Variants in CLUAP1 observed in about 807,000 individuals in gnomAD.
The protein encoded by CLUAP1 is clusterin-associated protein 1.
In CLUAP1, 50 loss-of-function variants were observed where a neutral mutation model predicts 55.0. The ratio of observed to expected loss-of-function variants is 0.91; its 90% CI spans 0.72 to 1.15. The LOEUF (loss-of-function observed/expected upper bound fraction) is 1.15, where lower values mean the gene tolerates loss of function less well. Ranked by LOEUF, CLUAP1 falls within the 50% of genes most tolerant of loss-of-function variation. CLUAP1 has a pLI of 0.00. For synonymous variants in CLUAP1, 195 were observed against 175.4 expected, an observed-to-expected ratio of 1.11 and a Z score of -0.88; for missense variants, 530 against 507.6, an observed-to-expected ratio of 1.04 and a Z score of -0.42.
At chr16:3,500,834 A>G (rs1312314590), upstream of CLUAP1, 3 of 574,052 alleles carry the variant, frequency 5.2e-6, no homozygotes, top group African/African-American at 1.9e-5. Flanking sequence ...TGCAGCCCTC[A>G]TAGACGCCGG....
chr16:3,517,760 T>C (rs1596393091), intron 6 of CLUAP1, among the ~76,000 whole-genome samples: 2 of 152,218 alleles, frequency 1.3e-5, no homozygotes, highest in Non-Finnish European at 2.9e-5. Flanking sequence ...CAGTCACTTC[T>C]GAGTATTCCT....
chr16:3,501,424 G>A (rs1366963428), intron 1 of CLUAP1, among the ~76,000 whole-genome samples: 6 of 152,240 alleles, frequency 3.9e-5, no homozygotes, highest in Non-Finnish European at 8.8e-5. Context: ...CTTCGCTACC[G>A]TATTGGAAAA....
rs34360832 is a variant in CLUAP1, at chr16:3,537,998, C to CAAAAA, written c.*1745_*1749dup. The CAAAAA allele has an allele frequency of 8.2e-5, 3 of 36,690 alleles. No individual in the cohort carries two copies. Among genetic ancestry groups the CAAAAA allele is most frequent in the African/African-American group, 2.1e-4 (2 of 9,710 alleles). 2.3% of individuals were successfully genotyped at this position (36,690 alleles called of 1,614,324 possible). ...TGGGCAGCAGAGTGAGACTCCATCTCAAAAAAAAAAAAAAAAAAAAAAGCA... is the reference window on the plus strand; with the variant it reads ...TGGGCAGCAGAGTGAGACTCCATCTCAAAAAAAAAAAAAAAAAAAAAAAAAAAGCA... On this transcript the variant is annotated 3_prime_UTR_variant, in exon 12 of 12. Coordinates refer to ENST00000576634, the MANE Select transcript of CLUAP1 (RefSeq NM_015041.3).
chr16:3,525,884 T>C (rs2037931823), intron 8 of CLUAP1, among the ~76,000 whole-genome samples: 2 of 152,158 alleles, frequency 1.3e-5, no homozygotes, highest in South Asian at 4.1e-4. Context: ...TCTTTCTTGA[T>C]AATAATCAAG....
rs1479683890 is a variant in CLUAP1, at chr16:3,537,991, T to C, written c.*1720T>C. On this transcript the variant is annotated 3_prime_UTR_variant, in exon 12 of 12. Transcript: ENST00000576634. ...TCCAGCCTGGGCAGCAGAGTGAGAC[T>C]CCATCTCAAAAAAAAAAAAAAAAAA... is the stretch of plus-strand genomic sequence containing the variant. The C allele has an allele frequency of 1.0e-5, 1 of 95,982 alleles. No individual in the cohort carries two copies. The highest frequency in any genetic ancestry group is 1.8e-5 in the Non-Finnish European group (1 of 54,628). 5.9% of individuals were successfully genotyped at this position (95,982 alleles called of 1,614,324 possible).
At position 3,537,643 on chromosome 16, in the gene CLUAP1, T is replaced by G. The variant is rs1369961607; in HGVS notation, c.*1372T>G. On this transcript the variant is annotated 3_prime_UTR_variant, in exon 12 of 12. Transcript: ENST00000576634. ...GTGATCATGCCACTGCACTCCAGCCTGGGTGACAGAGTGAGACCCTGTCTT... is the reference window on the plus strand; with the variant it reads ...GTGATCATGCCACTGCACTCCAGCCGGGGTGACAGAGTGAGACCCTGTCTT... 6.6e-6 allele frequency: 1 copy of G among 152,122 alleles called. No individual in the cohort carries two copies. Among genetic ancestry groups the G allele is most frequent in the Non-Finnish European group, 1.5e-5 (1 of 68,158 alleles). The allele number at this position is 152,122 out of a possible 1,614,324, so 9.4% of individuals were successfully genotyped here. A position where few individuals can be genotyped will look rare whatever the true frequency, so the allele number is the denominator to read the frequency against.
intron 2 of CLUAP1, among the ~76,000 whole-genome samples, chr16:3,505,224 G>A (rs2037479750): frequency 6.6e-6 from 1 of 152,156 alleles, no homozygotes. Flanking sequence ...GGCAGATTGA[G>A]ACTGTGTCTC....
chr16:3,523,273 C>G lies in CLUAP1; in HGVS notation c.829C>G (p.His277Asp), dbSNP rs780823045. Reference sequence around the variant, plus strand: ...TCTGGAACAACAGCTTGAAGACCATCATAGGATGGAGCAAGAAAGGTTTGA... The same window carrying G: ...TCTGGAACAACAGCTTGAAGACCATGATAGGATGGAGCAAGAAAGGTTTGA... ...TYLEQQLEDH[H>D]RMEQERFEEA... Residue 277 changes from histidine to aspartate, a missense_variant, in exon 8 of 12, where the codon CAT becomes GAT. His to Asp is a moderately conservative substitution (Grantham distance 81). Transcript: ENST00000576634. The G allele has an allele frequency of 5.6e-6, 9 of 1,613,044 alleles. No individual in the cohort carries two copies. The East Asian group carries it at 1.8e-4, about 32-fold the overall frequency.
intron 11 of CLUAP1, chr16:3,535,699 A>G (rs191012429): frequency 1.9e-5 from 3 of 160,912 alleles, no homozygotes; most frequent in Admixed American, 1.8e-4. Context: ...GCTGGGATTC[A>G]CTTTGCTCCT....
At chr16:3,520,991 C>T (rs1162498441) in intron 7 of CLUAP1, among the ~76,000 whole-genome samples, 1 of 151,960 alleles carries the variant, frequency 6.6e-6, no homozygotes, top group Admixed American at 6.6e-5. Flanking sequence ...GATGTTTTGC[C>T]TTTTTGGATG....
rs115552152 is a variant in CLUAP1 at position 3,530,516 on chromosome 16, C to T, written c.929-52C>T. Reference sequence around the variant, plus strand: ...CAGACCTTACTGGGCAGAGCTGTTTCGTTGTGATCATGAAGCCACTCCTTT... The same window carrying T: ...CAGACCTTACTGGGCAGAGCTGTTTTGTTGTGATCATGAAGCCACTCCTTT... On this transcript the variant is annotated intron_variant, in intron 9 of 11. Transcript: ENST00000576634. 4,032 of 1,323,982 alleles carry T rather than the reference C, an allele frequency of 3.0e-3. 71 individuals carry two copies. The African/African-American group carries it at 0.047, about 16-fold the overall frequency. 82.0% of individuals were successfully genotyped at this position (1,323,982 alleles called of 1,614,324 possible). A position where few individuals can be genotyped will look rare whatever the true frequency, so the allele number is the denominator to read the frequency against.
chr16:3,515,769 C>G (rs1312257329), intron 6 of CLUAP1, among the ~76,000 whole-genome samples, 178 bp downstream of exon 6: 1 of 152,030 alleles, frequency 6.6e-6, no homozygotes, highest in African/African-American at 2.4e-5. Flanking sequence ...ATTTTTTTCC[C>G]CTCGTTATAA....
intron 8 of CLUAP1, 53 bp from the exon 9 acceptor site, chr16:3,526,359 G>A: frequency 1.6e-6 from 2 of 1,272,130 alleles, no homozygotes; most frequent in Non-Finnish European, 2.2e-6. Flanking sequence ...AAGAAGAATA[G>A]AACAGTCCAG....
chr16:3,515,472 C>G, intron 5 of CLUAP1, 36 bp from the exon 6 acceptor site: 2 of 1,477,092 alleles, frequency 1.4e-6, no homozygotes, highest in Non-Finnish European at 1.9e-6. Context: ...AACTCCTTTT[C>G]TGAAAATATA....
Position 3,518,384 on chromosome 16 carries a change from A to T in CLUAP1, c.580-1519A>T, listed in dbSNP as rs146609171. ...CTTAAGACTCCTTTCATTGTTAGAA[A>T]ATATCTGTGATGTTTGATCATTCTA... is the stretch of plus-strand genomic sequence containing the variant. On this transcript the variant is annotated intron_variant, in intron 6 of 11. Transcript: ENST00000576634. Among the ~76,000 whole-genome samples the T allele has an allele frequency of 2.0e-3, 307 of 152,312 alleles. 4 individuals carry two copies. Among genetic ancestry groups the T allele is most frequent in the African/African-American group, 6.6e-3 (276 of 41,576 alleles).
At chr16:3,522,387 C>G (rs1596397002) in intron 7 of CLUAP1, among the ~76,000 whole-genome samples, 1 of 152,208 alleles carries the variant, frequency 6.6e-6, no homozygotes, top group East Asian at 1.9e-4. Flanking sequence ...TGGTCTGAAA[C>G]TCCTGACCTC....
chr16:3,506,283 C>T, intron 2 of CLUAP1, 48 bp from the exon 3 acceptor site: 4 of 1,476,080 alleles, frequency 2.7e-6, no homozygotes, highest in Non-Finnish European at 3.8e-6. Flanking sequence ...CTTTAGTAGA[C>T]TTTCTCCTTG....
intron 4 of CLUAP1, 152 bp downstream of exon 4, chr16:3,508,620 A>G (rs1306925634): frequency 4.8e-6 from 3 of 620,024 alleles, no homozygotes; most frequent in Non-Finnish European, 7.7e-6. Context: ...GGATAAAGTC[A>G]AAGTCACAAT....
chr16:3,538,772 C>G lies in CLUAP1; in HGVS notation c.*2501C>G, dbSNP rs573010775. 6.6e-6 allele frequency: 1 copy of G among 152,286 alleles called. No individual in the cohort carries two copies. Among genetic ancestry groups the G allele is most frequent in the African/African-American group, 2.4e-5 (1 of 41,536 alleles). 9.4% of individuals were successfully genotyped at this position (152,286 alleles called of 1,614,324 possible). A position where few individuals can be genotyped will look rare whatever the true frequency, so the allele number is the denominator to read the frequency against. On this transcript the variant is annotated 3_prime_UTR_variant, in exon 12 of 12. Coordinates refer to ENST00000576634, the MANE Select transcript of CLUAP1 (RefSeq NM_015041.3). ...CTGTCAACAGCAAGCTTTATGTGCT[C>G]TATCATTTTTATTAAAGTATTTCAG...
Sources: allele counts gnomAD v4.1 joint callset (sites outside exome capture counted in the v4.1 genomes callset), GRCh38; gene constraint gnomAD v4.1.1; transcripts MANE v1.5; gene names NCBI Gene and HGNC (gene_info 2026-07-23, HGNC 2026-07-21).